ZNF813: variants seen among roughly 807,000 people sequenced by gnomAD.
The protein encoded by ZNF813 is zinc finger protein 813.
Under a neutral mutation model 7.2 loss-of-function variants are expected in ZNF813, and 3 were observed. The observed-to-expected ratio is 0.42, with a 90% CI of 0.19 to 1.08. The LOEUF is 1.08. Among genes scored for constraint, ZNF813 ranks in the 50% least tolerant of loss-of-function variants. The pLI, the probability that ZNF813 is intolerant of heterozygous loss-of-function variation, is 0.30. For synonymous variants in ZNF813, 227 were observed against 256.3 expected (o/e 0.89, Z 1.09); for missense variants, 714 against 753.3 (o/e 0.95, Z 0.61).
intron 2 of ZNF813, among the ~76,000 whole-genome samples, chr19:53,485,727 A>G (rs531446012): frequency 1.7e-4 from 26 of 152,078 alleles, no homozygotes; most frequent in African/African-American, 6.0e-4. Context: ...CTTTTATTTT[A>G]AGACTGGGTC....
At chr19:53,490,183 T>A (rs1237398838) in intron 3 of ZNF813, among the ~76,000 whole-genome samples, 192 bp from the exon 4 acceptor site, 1 of 152,188 alleles carries the variant, frequency 6.6e-6, no homozygotes, top group Non-Finnish European at 1.5e-5. Flanking sequence ...GAAATAGGGT[T>A]CCGTAGAGAT....
In ZNF813 at chr19:53,491,934, C is replaced by T. The variant is rs145334688; in HGVS notation, c.1702C>T (p.Arg568Cys). The change falls in exon 4 of 4, where the codon CGT becomes TGT. Residue 568 changes from arginine to cysteine, a missense_variant. This residue lies in a region of ZNF813 where 122 missense variants were observed against 146.8 expected (regional missense o/e 0.83). Coordinates refer to ENST00000396403, the MANE Select transcript of ZNF813 (RefSeq NM_001004301.4). ...TTTTAATCAAAAAGCACACCTTGCA[C>T]GTCACCATAGACTTCATACTGGAGA... ...KVFNQKAHLA[R>C]HHRLHTGEKP... is the part of the protein sequence containing the mutation. 1.3e-5 allele frequency: 21 copies of T among 1,605,552 alleles called. 1 individual carries two copies. The East Asian group carries it at 3.2e-4, about 24-fold the overall frequency.
chr19:53,468,829 G>GGAGAC (rs1164616200), intron 1 of ZNF813, among the ~76,000 whole-genome samples: 1 of 152,128 alleles, frequency 6.6e-6, no homozygotes. Flanking sequence ...GGGACCAGCA[G>GGAGAC]GAGACAGAAG....
In ZNF813 at chr19:53,469,444, G is replaced by T. The variant is rs12973940; in HGVS notation, c.-74+1655G>T. ...TGATTCTGTGGGCTAAAGGGATCAGGAGACACACGCAGTAGAAAACCTGAG... is the reference window on the plus strand; with the variant it reads ...TGATTCTGTGGGCTAAAGGGATCAGTAGACACACGCAGTAGAAAACCTGAG... On this transcript the variant is annotated intron_variant, in intron 1 of 3. Transcript: ENST00000396403. 8.3e-3 allele frequency among the ~76,000 whole-genome samples: 1,261 copies of T among 152,176 alleles called. 14 individuals carry two copies. The highest frequency in any genetic ancestry group is 0.011 in the Non-Finnish European group (744 of 68,012).
intron 1 of ZNF813, among the ~76,000 whole-genome samples, chr19:53,482,723 T>TTTG (rs1339791720): frequency 7.9e-6 from 1 of 126,522 alleles, no homozygotes; most frequent in African/African-American, 2.9e-5. Flanking sequence ...TTTTTTTTTT[T>TTTG]TTTTTTTTTT....
intron 1 of ZNF813, among the ~76,000 whole-genome samples, chr19:53,482,724 T>TCG (rs1397241275): frequency 7.8e-6 from 1 of 127,408 alleles, no homozygotes; most frequent in Non-Finnish European, 1.6e-5. Flanking sequence ...TTTTTTTTTT[T>TCG]TTTTTTTTTT....
At chr19:53,488,289 C>G (rs1028110877) in intron 3 of ZNF813, 13 of 454,980 alleles carry the variant, frequency 2.9e-5, no homozygotes, top group African/African-American at 2.6e-4. Flanking sequence ...TCCGAAACTG[C>G]TGCGATTACA....
Position 53,491,375 on chromosome 19 carries a change from A to G in ZNF813, c.1143A>G (p.Lys381=), listed in dbSNP as rs1428259227. Residue 381 remains lysine, a synonymous_variant, in exon 4 of 4, where the codon AAA becomes AAG. Transcript: ENST00000396403. ...TCHHRLHTGE[K]PYKCNECGKT... is the part of the protein sequence containing the mutation. The stretch of plus-strand genomic sequence containing the variant: ...ATCATAGACTTCATACGGGAGAGAA[A>G]CCTTATAAGTGTAATGAATGTGGCA... The G allele has an allele frequency of 1.2e-6, 2 of 1,613,068 alleles. No individual in the cohort carries two copies. Among genetic ancestry groups the G allele is most frequent in the East Asian group, 4.5e-5 (2 of 44,884 alleles).
At chr19:53,474,730 G>A (rs1033978710) in intron 1 of ZNF813, among the ~76,000 whole-genome samples, 2 of 151,986 alleles carry the variant, frequency 1.3e-5, no homozygotes, top group Admixed American at 6.6e-5. Flanking sequence ...CGTTGCTAAT[G>A]CTGTTTTTCT....
intron 1 of ZNF813, among the ~76,000 whole-genome samples, chr19:53,470,170 T>TCCTTCCTTCCTTCCTTCC (rs2086350982): frequency 4.3e-5 from 2 of 46,026 alleles, no homozygotes; most frequent in Non-Finnish European, 8.3e-5. Context: ...TTTCTTTTCT[T>TCCTTCCTTCCTTCCTTCC]TTCTTTCTTT....
chr19:53,485,722 AT>A (rs2086430688), intron 2 of ZNF813, among the ~76,000 whole-genome samples: 1 of 151,812 alleles, frequency 6.6e-6, no homozygotes, highest in Non-Finnish European at 1.5e-5. Flanking sequence ...ATTTTCTTTT[AT>A]TTTAAGACTG....
At chr19:53,476,439 G>A (rs2086382154) in intron 1 of ZNF813, among the ~76,000 whole-genome samples, 1 of 151,968 alleles carries the variant, frequency 6.6e-6, no homozygotes, top group South Asian at 2.1e-4. Flanking sequence ...GACCAGACCG[G>A]CCAAGATGGT....
At chr19:53,469,216 C>G (rs2086344031) in intron 1 of ZNF813, among the ~76,000 whole-genome samples, 1 of 152,184 alleles carries the variant, frequency 6.6e-6, no homozygotes, top group Non-Finnish European at 1.5e-5. Context: ...GGATTAACAG[C>G]ATCTCAAAGC....
At chr19:53,490,241 C>G (rs2086452655) in intron 3 of ZNF813, 134 bp from the exon 4 acceptor site, 1 of 1,053,750 alleles carries the variant, frequency 9.5e-7, no homozygotes. Context: ...GAATCTTACG[C>G]TTTTGTGTTC....
At chr19:53,480,030 A>T (rs2086400096) in intron 1 of ZNF813, 4 of 762,954 alleles carry the variant, frequency 5.2e-6, no homozygotes, top group Non-Finnish European at 9.6e-6. Context: ...TGCACCAAAG[A>T]GGAACACCTC....
At position 53,490,781 on chromosome 19, in the gene ZNF813, G is replaced by T. The variant is rs747961326; in HGVS notation, c.549G>T (p.Arg183Ser). 1.7e-5 allele frequency: 27 copies of T among 1,614,004 alleles called. No homozygotes were observed. The highest frequency in any genetic ancestry group is 2.2e-5 in the Non-Finnish European group (26 of 1,180,022). Residue 183 changes from arginine to serine, a missense_variant, in exon 4 of 4, where the codon AGG becomes AGT. Arg to Ser is a moderately radical substitution (Grantham distance 110). This residue lies in a region of ZNF813 where 563 missense variants were observed against 554.2 expected (regional missense o/e 1.02). Coordinates refer to ENST00000396403, the MANE Select transcript of ZNF813 (RefSeq NM_001004301.4). ...SISTSQRISCRPKTHISNNYG... is the reference protein window; with the variant it reads ...SISTSQRISCSPKTHISNNYG... The stretch of plus-strand genomic sequence containing the variant: ...CAACATCCCAAAGAATTTCTTGTAG[G>T]CCCAAAACCCATATTTCTAATAACT...
chr19:53,484,464 C>T (rs544846214), intron 2 of ZNF813, among the ~76,000 whole-genome samples: 14 of 152,288 alleles, frequency 9.2e-5, no homozygotes, highest in East Asian at 7.7e-4. Flanking sequence ...TAGCACATTA[C>T]GCTCATGGAG....
At chr19:53,479,499 C>G in intron 1 of ZNF813, 1 of 1,403,634 alleles carries the variant, frequency 7.1e-7, no homozygotes, top group South Asian at 1.2e-5. Flanking sequence ...AAGTGGCCTC[C>G]GTGAACGGTA....
At chr19:53,489,431 C>T (rs1466903507) in intron 3 of ZNF813, among the ~76,000 whole-genome samples, 1 of 151,846 alleles carries the variant, frequency 6.6e-6, no homozygotes, top group African/African-American at 2.4e-5. Context: ...GTGAAACCCT[C>T]TATCTACTAA....
Sources: allele counts gnomAD v4.1 joint callset (sites outside exome capture counted in the v4.1 genomes callset), GRCh38; gene constraint gnomAD v4.1.1; regional missense constraint gnomAD v4.1.1; transcripts MANE v1.5; gene names NCBI Gene and HGNC (gene_info 2026-07-23, HGNC 2026-07-21).